Variants in PCDH15 observed in about 807,000 individuals in gnomAD.
PCDH15 encodes the protein protocadherin-15.
A neutral mutation model predicts 178.5 loss-of-function variants in PCDH15; 129 were observed. The observed-to-expected ratio is 0.72, with a 90% CI of 0.63 to 0.84. PCDH15 has a LOEUF of 0.84. PCDH15 is among the 40% of genes least tolerant of loss of function. The pLI, the probability that PCDH15 is intolerant of heterozygous loss-of-function variation, is 0.00. For missense variants in PCDH15, 2,230 were observed against 2,099.9 expected, an observed-to-expected ratio of 1.06 and a Z score of -1.21; for synonymous variants, 800 against 732.0, an observed-to-expected ratio of 1.09 and a Z score of -1.50.
At chr10:55,505,512 A>G (rs1840741661) in intron 2 of PCDH15, among the ~76,000 whole-genome samples, 1 of 151,392 alleles carries the variant, frequency 6.6e-6, no homozygotes. Flanking sequence ...CAGATGACTC[A>G]AAAATCTTGA....
intron 1 of PCDH15, among the ~76,000 whole-genome samples, chr10:54,709,062 G>A (rs567022876): frequency 2.2e-4 from 34 of 152,024 alleles, no homozygotes; most frequent in South Asian, 1.2e-3. Context: ...ACCTGACCGT[G>A]GATATTTGCT....
At chr10:54,273,990 G>T (rs2058198476) in intron 8 of PCDH15, among the ~76,000 whole-genome samples, 1 of 152,048 alleles carries the variant, frequency 6.6e-6, no homozygotes, top group South Asian at 2.1e-4. Flanking sequence ...TTGCAGGGAT[G>T]TGGATGTAGT....
At chr10:54,164,718 A>G (rs1760930204) in intron 13 of PCDH15, among the ~76,000 whole-genome samples, 1 of 152,204 alleles carries the variant, frequency 6.6e-6, no homozygotes, top group South Asian at 2.1e-4. Context: ...ATATTATAGA[A>G]GTTAGTGTAA....
At chr10:53,991,185 TGAG>T (rs1254200508) in intron 21 of PCDH15, among the ~76,000 whole-genome samples, 4 of 152,010 alleles carry the variant, frequency 2.6e-5, no homozygotes, top group African/African-American at 4.8e-5. Context: ...GCCCAAGGGC[TGAG>T]GAGAGCGGGC....
At chr10:54,996,667 A>G (rs1839652163) in intron 2 of PCDH15, among the ~76,000 whole-genome samples, 1 of 152,076 alleles carries the variant, frequency 6.6e-6, no homozygotes, top group Non-Finnish European at 1.5e-5. Flanking sequence ...TCATTTTGCT[A>G]TTGAATGGGA....
intron 2 of PCDH15, among the ~76,000 whole-genome samples, chr10:55,357,524 T>C (rs1420173789): frequency 6.6e-6 from 1 of 152,050 alleles, no homozygotes; most frequent in Non-Finnish European, 1.5e-5. Flanking sequence ...TATCTTATTA[T>C]ACTCAATGTT....
At position 53,807,093 on chromosome 10, in the gene PCDH15, C is replaced by T. The variant is rs762452325; in HGVS notation, c.4709G>A (p.Arg1570Gln). 2.5e-6 allele frequency: 4 copies of T among 1,611,280 alleles called. No homozygotes were observed. The highest frequency in any genetic ancestry group is 1.1e-5 in the South Asian group (1 of 90,608). ...RKRMIKLVVD[R>Q]EYETSSTGED... ...TCCAGTTGAGCTGGTTTCATACTCTCGATCAACAACTAACTTGATCATTCT... is the reference window on the plus strand; with the variant it reads ...TCCAGTTGAGCTGGTTTCATACTCTTGATCAACAACTAACTTGATCATTCT... The change falls in exon 38 of 38, where the codon CGA becomes CAA. Residue 1570 changes from arginine to glutamine, a missense_variant. Physicochemically the swap from Arg to Gln is conservative, Grantham distance 43. Coordinates refer to ENST00000644397, the MANE Select transcript of PCDH15 (RefSeq NM_001384140.1).
At position 53,859,229 on chromosome 10, in the gene PCDH15, C is replaced by T. The variant is rs137891144; in HGVS notation, c.3718-1966G>A. Among the ~76,000 whole-genome samples, 1,181 of 152,216 alleles carry T rather than the reference C, an allele frequency of 7.8e-3. 18 individuals are homozygous for T. The highest frequency in any genetic ancestry group is 0.027 in the African/African-American group (1,111 of 41,536). The stretch of plus-strand genomic sequence containing the variant: ...GGACTCAGAAGTACTGGAGTCCTGG[C>T]CTCAGGACAGAGGAGCTTTTGCAGT... On this transcript the variant is annotated intron_variant, in intron 27 of 37. Coordinates refer to ENST00000644397, the MANE Select transcript of PCDH15 (RefSeq NM_001384140.1).
chr10:54,675,062 TTCTC>T (rs2094757825), intron 1 of PCDH15, among the ~76,000 whole-genome samples: 1 of 152,072 alleles, frequency 6.6e-6, no homozygotes, highest in Admixed American at 6.6e-5. Flanking sequence ...AAAGTAGTCG[TTCTC>T]TCTCTTAGTG....
chr10:55,016,849 G>T (rs912806477), intron 2 of PCDH15, among the ~76,000 whole-genome samples: 1 of 151,620 alleles, frequency 6.6e-6, no homozygotes. Flanking sequence ...CTTGATTCTG[G>T]GATAATTTCT....
At chr10:53,818,208 A>ATGTGTGAT in intron 33 of PCDH15, 195 bp from the exon 34 acceptor site, 1 of 376,820 alleles carries the variant, frequency 2.7e-6, no homozygotes, top group Non-Finnish European at 4.7e-6. Flanking sequence ...CACCTGAATT[A>ATGTGTGAT]CTAAAATAAT....
At chr10:54,625,143 G>T (rs1377330849) in intron 2 of PCDH15, among the ~76,000 whole-genome samples, 1 of 152,098 alleles carries the variant, frequency 6.6e-6, no homozygotes, top group East Asian at 1.9e-4. Flanking sequence ...AATGTGATTA[G>T]CCCAGTTGTG....
intron 37 of PCDH15, among the ~76,000 whole-genome samples, chr10:53,807,680 G>C (rs1284743969): frequency 6.6e-6 from 1 of 151,922 alleles, no homozygotes; most frequent in African/African-American, 2.4e-5. Context: ...TTATTTACTT[G>C]ATGTATAATT....
intron 13 of PCDH15, among the ~76,000 whole-genome samples, chr10:54,162,360 A>T (rs2045803934): frequency 6.6e-6 from 1 of 152,104 alleles, no homozygotes; most frequent in South Asian, 2.1e-4. Flanking sequence ...ACAGGTATGA[A>T]AGCTCTGGCA....
At chr10:55,403,397 T>G (rs1838120407) in intron 2 of PCDH15, among the ~76,000 whole-genome samples, 1 of 151,792 alleles carries the variant, frequency 6.6e-6, no homozygotes, top group African/African-American at 2.4e-5. Context: ...TTTGCCTTTT[T>G]TTTCTTTTTA....
intron 2 of PCDH15, among the ~76,000 whole-genome samples, chr10:55,439,019 C>T (rs1839115158): frequency 6.6e-6 from 1 of 152,048 alleles, no homozygotes; most frequent in Admixed American, 6.6e-5. Context: ...CCACCTCTGC[C>T]TCCCGAGTAA....
At chr10:55,221,698 A>G (rs1840879563) in intron 1 of PCDH15, among the ~76,000 whole-genome samples, 1 of 152,110 alleles carries the variant, frequency 6.6e-6, no homozygotes, top group South Asian at 2.1e-4. Context: ...AAGACAAGAT[A>G]CACAGTGACA....
chr10:55,420,217 C>T (rs1260406149), intron 2 of PCDH15, among the ~76,000 whole-genome samples: 1 of 151,630 alleles, frequency 6.6e-6, no homozygotes, highest in Non-Finnish European at 1.5e-5. Flanking sequence ...TAAAGTTTTA[C>T]TGGAGAGCAG....
chr10:55,086,414 T>C (rs74136347), intron 2 of PCDH15, among the ~76,000 whole-genome samples: 1 of 152,196 alleles, frequency 6.6e-6, no homozygotes, highest in Admixed American at 6.6e-5. Flanking sequence ...AAGTAAATTA[T>C]CCATAGTCAA....
Sources: gnomAD v4.1 joint callset for allele counts (sites outside exome capture counted in the v4.1 genomes callset) on GRCh38, gnomAD v4.1.1 for gene constraint, MANE v1.5 for transcripts, NCBI Gene and HGNC (gene_info 2026-07-23, HGNC 2026-07-21) for gene names.